MAP3K13: variants seen among roughly 807,000 people sequenced by gnomAD.
MAP3K13 encodes leucine zipper-bearing kinase.
MAP3K13 carries 52 observed loss-of-function variants against 104.0 expected under a neutral mutation model. That is an observed-to-expected ratio of 0.50 (90% CI 0.40 to 0.63). The LOEUF is 0.63. MAP3K13 is among the 20% of genes least tolerant of loss of function. MAP3K13 has a pLI of 0.00. For missense variants in MAP3K13, 914 were observed against 1,218.5 expected (o/e 0.75, Z 3.72); for synonymous variants, 394 against 442.2 (o/e 0.89, Z 1.37).
chr3:185,445,736 A>T (rs1279299958), intron 4 of MAP3K13, among the ~76,000 whole-genome samples: 3 of 152,218 alleles, frequency 2.0e-5, no homozygotes, highest in Admixed American at 1.3e-4. Flanking sequence ...AAGAGATCTC[A>T]TTACTTACAT....
At chr3:185,369,360 G>A (rs963193326) in intron 1 of MAP3K13, among the ~76,000 whole-genome samples, 16 of 152,232 alleles carry the variant, frequency 1.1e-4, no homozygotes, top group African/African-American at 3.9e-4. Context: ...GAGATGTAAA[G>A]AGAGTTTCTT....
At chr3:185,382,127 C>T (rs1724753961) in intron 1 of MAP3K13, among the ~76,000 whole-genome samples, 1 of 152,110 alleles carries the variant, frequency 6.6e-6, no homozygotes, top group Non-Finnish European at 1.5e-5. Context: ...CAGATAGTAT[C>T]GAACCCTATA....
rs1221101957 is a variant in MAP3K13 at position 185,463,591 on chromosome 3, C to T, written c.1320C>T (p.Ile440=). The part of the protein sequence containing the change: ...REEVKKHFEK[I]KSEGTCIHRL... ...AAGTGAAAAAACATTTTGAGAAGAT[C>T]AAAAGTGAAGGAACTTGTATACACC... is the stretch of plus-strand genomic sequence containing the variant. The change falls in exon 8 of 14, where the codon ATC becomes ATT. Residue 440 remains isoleucine, a synonymous_variant. Transcript: ENST00000265026. The T allele has an allele frequency of 6.2e-7, 1 of 1,612,256 alleles. No homozygotes were observed. Among genetic ancestry groups the T allele is most frequent in the Admixed American group, 1.7e-5 (1 of 59,972 alleles).
intron 2 of MAP3K13, among the ~76,000 whole-genome samples, chr3:185,301,635 G>T (rs1721115027): frequency 6.6e-6 from 1 of 152,116 alleles, no homozygotes; most frequent in Admixed American, 6.5e-5. Context: ...CATCTTTGTA[G>T]TCAAATTTTA....
rs758577860 is a variant in MAP3K13 at position 185,482,235 on chromosome 3, T to C, written c.2800-120T>C. On this transcript the variant is annotated intron_variant, in intron 13 of 13. Transcript: ENST00000265026. The surrounding 1 kb of genome is among the most constrained non-coding windows in gnomAD (Gnocchi z 4.5). ...CCATAAGTCCCACAAGGACAGGACC[T>C]GGTCTCGTTTACCTTTGTAGCCCCC... The C allele has an allele frequency of 4.2e-6, 3 of 706,854 alleles. No individual in the cohort carries two copies. The highest frequency in any genetic ancestry group is 7.7e-6 in the Non-Finnish European group (3 of 391,750). The allele number at this position is 706,854 out of a possible 1,614,324, so 43.8% of individuals were successfully genotyped here. A position where few individuals can be genotyped will look rare whatever the true frequency, so the allele number is the denominator to read the frequency against.
chr3:185,473,590 G>A lies in MAP3K13; in HGVS notation c.2259G>A (p.Arg753=), dbSNP rs1372411485. Residue 753 remains arginine, a synonymous_variant, in exon 11 of 14, where the codon AGG becomes AGA. Transcript: ENST00000265026. The surrounding 1 kb of genome is among the most constrained non-coding windows in gnomAD (Gnocchi z 4.9). ...TACCCTCTGCTGAGCCAGTGGGGAG[G>A]AGCCCTGACCTTTCCAAGTCACCAG... ...LDIPSAEPVG[R]SPDLSKSPAH... The A allele has an allele frequency of 3.1e-6, 5 of 1,614,032 alleles. No homozygotes were observed. The highest frequency in any genetic ancestry group is 3.4e-6 in the Non-Finnish European group (4 of 1,180,044).
At chr3:185,429,330 A>C (rs1714615471) in intron 2 of MAP3K13, among the ~76,000 whole-genome samples, 3 of 152,242 alleles carry the variant, frequency 2.0e-5, no homozygotes, top group Admixed American at 1.3e-4. Flanking sequence ...TTATAAGAAG[A>C]AAATATTAGA....
chr3:185,307,709 A>G (rs1160835858), intron 2 of MAP3K13, among the ~76,000 whole-genome samples: 1 of 150,818 alleles, frequency 6.6e-6, no homozygotes, highest in Non-Finnish European at 1.5e-5. Context: ...ACACCCAGCT[A>G]ATTTTTGTAT....
In MAP3K13 at chr3:185,349,825, C is replaced by A. The variant is rs151324844; in HGVS notation, c.-86+64182C>A. Among the ~76,000 whole-genome samples the A allele has an allele frequency of 7.8e-3, 1,185 of 152,286 alleles. 15 individuals carry two copies. The highest frequency in any genetic ancestry group is 0.028 in the African/African-American group (1,143 of 41,552). ...TTTCCTTTCATGTCTCCCTAAGACT[C>A]CCCTTCTTTTCATATGCTCTTAGCA... On this transcript the variant is annotated intron_variant, in intron 2 of 14. Coordinates refer to the MAP3K13 transcript ENST00000424227.
chr3:185,486,953 C>G lies in MAP3K13; in HGVS notation c.*4497C>G, dbSNP rs965086590. ...AGATGCTAGCTCTATTGTAAACTGG[C>G]GTCTTCATCTAGCTACTTGAAGTTG... On this transcript the variant is annotated 3_prime_UTR_variant, in exon 14 of 14. Transcript: ENST00000265026. 12 of 152,132 alleles carry G rather than the reference C, an allele frequency of 7.9e-5. No homozygotes were observed. The highest frequency in any genetic ancestry group is 2.7e-4 in the African/African-American group (11 of 41,420). The allele number at this position is 152,132 out of a possible 1,614,324, so 9.4% of individuals were successfully genotyped here.
chr3:185,444,607 C>A (rs1224233314), intron 4 of MAP3K13, among the ~76,000 whole-genome samples: 1 of 152,102 alleles, frequency 6.6e-6, no homozygotes, highest in East Asian at 1.9e-4. Flanking sequence ...AAAATGATTT[C>A]TTGGCTACCA....
At position 185,418,451 on chromosome 3, in the gene MAP3K13, G is replaced by A; in HGVS notation, c.-85-10046G>A. The stretch of plus-strand genomic sequence containing the variant: ...GTTGTGTTCACTCTACGATGCCAAC[G>A]GCGCCAGGTTTTGGTTGGTGCAAAC... On this transcript the variant is annotated intron_variant, in intron 1 of 13. Transcript: ENST00000265026. This position sits in a 1 kb window ranked among gnomAD's most constrained non-coding sequence, Gnocchi z 4.5. 5 of 1,610,646 alleles carry A rather than the reference G, an allele frequency of 3.1e-6. No homozygotes were observed. The highest frequency in any genetic ancestry group is 4.2e-6 in the Non-Finnish European group (5 of 1,178,656).
chr3:185,485,723 TA>T lies in MAP3K13; in HGVS notation c.*3268del, dbSNP rs1295953687. The T allele has an allele frequency of 6.6e-6, 1 of 151,734 alleles. No individual in the cohort carries two copies. The highest frequency in any genetic ancestry group is 1.5e-5 in the Non-Finnish European group (1 of 67,948). The allele number at this position is 151,734 out of a possible 1,614,324, so 9.4% of individuals were successfully genotyped here. A position where few individuals can be genotyped will look rare whatever the true frequency, so the allele number is the denominator to read the frequency against. Reference sequence around the variant, plus strand: ...AAATTTTATCATAGATATGTAAGTATAGAAAAAAAAACATAGTATATATAGG... The same window carrying T: ...AAATTTTATCATAGATATGTAAGTATGAAAAAAAAACATAGTATATATAGG... On this transcript the variant is annotated 3_prime_UTR_variant, in exon 14 of 14. Coordinates refer to ENST00000265026, the MANE Select transcript of MAP3K13 (RefSeq NM_004721.5).
chr3:185,299,236 G>C (rs1721016672), intron 2 of MAP3K13, among the ~76,000 whole-genome samples: 1 of 152,214 alleles, frequency 6.6e-6, no homozygotes, highest in Non-Finnish European at 1.5e-5. Context: ...ACAGGACACA[G>C]AAACTGTGTT....
At position 185,290,854 on chromosome 3, in the gene MAP3K13, A is replaced by C. The variant is rs944707914; in HGVS notation, c.-86+5211A>C. Among the ~76,000 whole-genome samples the C allele has an allele frequency of 4.6e-5, 7 of 152,314 alleles. No individual in the cohort carries two copies. The East Asian group carries it at 1.2e-3, about 25-fold the overall frequency. On this transcript the variant is annotated intron_variant, in intron 2 of 14. Coordinates refer to the MAP3K13 transcript ENST00000424227. Reference sequence around the variant, plus strand: ...TTTAGGCAGGTTTATACAAGCATATAAGATAAACAGAATGAGCACAAAATT... The same window carrying C: ...TTTAGGCAGGTTTATACAAGCATATCAGATAAACAGAATGAGCACAAAATT...
At position 185,445,349 on chromosome 3, in the gene MAP3K13, C is replaced by T. The variant is rs554725385; in HGVS notation, c.851+1713C>T. Among the ~76,000 whole-genome samples the T allele has an allele frequency of 9.8e-5, 15 of 152,334 alleles. No individual in the cohort carries two copies. In the South Asian group the frequency reaches 3.1e-3, roughly 32 times the overall value. On this transcript the variant is annotated intron_variant, in intron 4 of 13. Coordinates refer to ENST00000265026, the MANE Select transcript of MAP3K13 (RefSeq NM_004721.5). ...ACAGCTCTTATTTATCACCATCATTCTCAGCAATATTTATTACAGTGCTTA... is the reference window on the plus strand; with the variant it reads ...ACAGCTCTTATTTATCACCATCATTTTCAGCAATATTTATTACAGTGCTTA...
At chr3:185,400,288 T>C (rs1712718017) in intron 1 of MAP3K13, among the ~76,000 whole-genome samples, 1 of 152,214 alleles carries the variant, frequency 6.6e-6, no homozygotes, top group African/African-American at 2.4e-5. Flanking sequence ...ATATTCTCCA[T>C]ACCCCTTCCC....
intron 1 of MAP3K13, among the ~76,000 whole-genome samples, chr3:185,386,748 C>G (rs1324682277): frequency 6.6e-6 from 1 of 152,172 alleles, no homozygotes. Flanking sequence ...ATGTTCTTTG[C>G]AGAGACATGG....
rs1713686140 is a variant in MAP3K13, at chr3:185,415,327, T to C, written c.-85-13170T>C. On this transcript the variant is annotated intron_variant, in intron 1 of 13. Transcript: ENST00000265026. ...GCCACCATGCCTAGCTAATTTTTGT[T>C]GTGTATTTTTAATAGAGATGGGGTT... Among the ~76,000 whole-genome samples the C allele has an allele frequency of 2.0e-5, 3 of 151,224 alleles. No individual in the cohort carries two copies. The South Asian group carries it at 6.3e-4, about 32-fold the overall frequency.
Sources: gnomAD v4.1 joint callset for allele counts (sites outside exome capture counted in the v4.1 genomes callset) on GRCh38, gnomAD v4.1.1 for gene constraint, Gnocchi (gnomAD v3.1) non-coding constraint, MANE v1.5 for transcripts, NCBI Gene and HGNC (gene_info 2026-07-23, HGNC 2026-07-21) for gene names.